Variants in TMCC1 observed in about 807,000 individuals in gnomAD.
TMCC1 encodes the protein transmembrane and coiled-coil domains protein 1.
A neutral mutation model predicts 52.4 loss-of-function variants in TMCC1; 15 were observed. That is an observed-to-expected ratio of 0.29 (90% CI 0.19 to 0.44). TMCC1 has a LOEUF of 0.44. Among genes scored for constraint, TMCC1 ranks in the 20% least tolerant of loss-of-function variants. The probability of loss-of-function intolerance (pLI) is 1.00; values close to 1 mark genes in which losing one functional copy is unlikely to be tolerated. For missense variants in TMCC1, 503 were observed against 806.0 expected (o/e 0.62, Z 4.55); for synonymous variants, 279 against 301.9 (o/e 0.92, Z 0.79).
intron 5 of TMCC1, among the ~76,000 whole-genome samples, chr3:129,659,512 A>C (rs1413479859): frequency 6.6e-6 from 1 of 152,210 alleles, no homozygotes; most frequent in Non-Finnish European, 1.5e-5. Context: ...TGGTAATTTA[A>C]GAACTATGTA....
At chr3:129,888,668 T>C (rs1050754247) in intron 1 of TMCC1, among the ~76,000 whole-genome samples, 3 of 152,194 alleles carry the variant, frequency 2.0e-5, no homozygotes, top group Admixed American at 6.5e-5. Context: ...GAAATTTAAG[T>C]AGATACACCA....
At chr3:129,797,647 G>C (rs1175262322) in intron 4 of TMCC1, among the ~76,000 whole-genome samples, 2 of 151,478 alleles carry the variant, frequency 1.3e-5, no homozygotes, top group South Asian at 4.2e-4. Flanking sequence ...CAGGAGGCTG[G>C]AGTGGGAGGA....
chr3:129,685,032 G>C (rs1576441584), intron 4 of TMCC1, among the ~76,000 whole-genome samples: 1 of 152,100 alleles, frequency 6.6e-6, no homozygotes, highest in East Asian at 1.9e-4. Context: ...AATGACACAG[G>C]TATGACAGCA....
chr3:129,670,338 C>G lies in TMCC1; in HGVS notation c.1503G>C (p.Glu501Asp). 1.2e-6 allele frequency: 2 copies of G among 1,613,024 alleles called. No homozygotes were observed. The highest frequency in any genetic ancestry group is 1.7e-6 in the Non-Finnish European group (2 of 1,179,354). The change falls in exon 5 of 7, where the codon GAG becomes GAC. Residue 501 changes from glutamate (E) to aspartate (D), a missense_variant. Around this residue, in one of 7 missense-constraint regions of TMCC1, gnomAD observed 121 missense variants for 193.6 expected, o/e 0.62. Transcript: ENST00000393238. Reference sequence around the variant, plus strand: ...AATTCCATGTGACTTACCTATATCGCTCCTCCTGTAAGGTCTGCATTATTA... The same window carrying G: ...AATTCCATGTGACTTACCTATATCGGTCCTCCTGTAAGGTCTGCATTATTA... ...YSLIMQTLQE[E>D]RYRCERLEEQ...
chr3:129,663,827 T>C (rs1464663098), intron 5 of TMCC1, among the ~76,000 whole-genome samples: 2 of 152,202 alleles, frequency 1.3e-5, no homozygotes, highest in Non-Finnish European at 2.9e-5. Context: ...GGAGCATTTG[T>C]TGAGCTCCTA....
chr3:129,851,754 C>T (rs146849612), intron 2 of TMCC1, among the ~76,000 whole-genome samples: 40 of 152,260 alleles, frequency 2.6e-4, no homozygotes, highest in African/African-American at 8.7e-4. Flanking sequence ...CAAAAGAGTT[C>T]AAAGCAAGGC....
chr3:129,761,806 C>T (rs888207460), intron 4 of TMCC1, among the ~76,000 whole-genome samples: 8 of 151,960 alleles, frequency 5.3e-5, no homozygotes, highest in South Asian at 4.2e-4. Context: ...GCCTCGCCAA[C>T]GTGGTGAAAC....
At chr3:129,666,028 A>G (rs2087422074) in intron 5 of TMCC1, among the ~76,000 whole-genome samples, 1 of 152,184 alleles carries the variant, frequency 6.6e-6, no homozygotes, top group African/African-American at 2.4e-5. Context: ...AAAATAAACT[A>G]AAGCGTAGAA....
chr3:129,750,126 T>C (rs2052359738), intron 4 of TMCC1, among the ~76,000 whole-genome samples: 1 of 152,124 alleles, frequency 6.6e-6, no homozygotes, highest in South Asian at 2.1e-4. Context: ...CATAAAGGAG[T>C]TGTTTCTCTT....
At chr3:129,655,853 G>T (rs2086634593) in intron 5 of TMCC1, among the ~76,000 whole-genome samples, 1 of 152,228 alleles carries the variant, frequency 6.6e-6, no homozygotes, top group African/African-American at 2.4e-5. Context: ...AAAGTGCTGG[G>T]ATTACAGGCG....
In TMCC1 at chr3:129,883,489, C is replaced by T. The variant is rs575664751; in HGVS notation, c.-434-2930G>A. ...ATTTGCCAGGAATGGTGACAGGCAC[C>T]TGTGGTCCCAGCTATTCAGGAGGCT... On this transcript the variant is annotated intron_variant, in intron 1 of 6. Transcript: ENST00000393238. 1.2e-3 allele frequency among the ~76,000 whole-genome samples: 186 copies of T among 152,256 alleles called. 1 individual carries two copies. Among genetic ancestry groups the T allele is most frequent in the Non-Finnish European group, 9.3e-4 (63 of 68,024 alleles).
At chr3:129,846,094 C>CA (rs879751688) in intron 2 of TMCC1, among the ~76,000 whole-genome samples, 59 of 143,450 alleles carry the variant, frequency 4.1e-4, no homozygotes, top group South Asian at 2.9e-3. Context: ...TATGTGGGGG[C>CA]AAAAAAAAAA....
chr3:129,817,854 C>A (rs1435542530), intron 4 of TMCC1, among the ~76,000 whole-genome samples: 2 of 151,996 alleles, frequency 1.3e-5, no homozygotes, highest in African/African-American at 4.8e-5. Context: ...GGTCTGTCAC[C>A]CAGGCTAGAG....
chr3:129,764,781 ATATATATATTTTTTTTTTTTTTTTTTT>A (rs1225569274), intron 4 of TMCC1, among the ~76,000 whole-genome samples: 1 of 76,112 alleles, frequency 1.3e-5, no homozygotes, highest in African/African-American at 6.8e-5. Context: ...ATATATATAT[ATATATATATTTTTTTTTTTTTTTTTTT>A]TTTTTTTTTT....
chr3:129,870,728 G>A (rs1415371950), intron 2 of TMCC1, among the ~76,000 whole-genome samples: 1 of 18,276 alleles, frequency 5.5e-5, no homozygotes, highest in Admixed American at 3.4e-4. Context: ...CGGGGGGGGG[G>A]GGGGGGGGGC....
At position 129,872,183 on chromosome 3, in the gene TMCC1, C is replaced by T. The variant is rs138984708; in HGVS notation, c.-184+8126G>A. ...CCATTTCTCCCTTCTTCCTCATTAA[C>T]CAGAATTCACATTTTGTTCAAGATA... On this transcript the variant is annotated intron_variant, in intron 2 of 6. Coordinates refer to ENST00000393238, the MANE Select transcript of TMCC1 (RefSeq NM_001017395.5). Among the ~76,000 whole-genome samples the T allele has an allele frequency of 6.6e-4, 101 of 152,312 alleles. 3 individuals are homozygous for T. The East Asian group carries it at 0.014, about 22-fold the overall frequency.
intron 4 of TMCC1, among the ~76,000 whole-genome samples, chr3:129,771,063 G>A (rs1277896599): frequency 6.6e-6 from 1 of 152,184 alleles, no homozygotes; most frequent in Non-Finnish European, 1.5e-5. Flanking sequence ...ATCCCTGACA[G>A]CTATCCCTCT....
chr3:129,711,405 C>T (rs1349913626), intron 4 of TMCC1, among the ~76,000 whole-genome samples: 1 of 152,148 alleles, frequency 6.6e-6, no homozygotes, highest in African/African-American at 2.4e-5. Context: ...TTACAACTTA[C>T]TAATTAGTAC....
intron 2 of TMCC1, among the ~76,000 whole-genome samples, chr3:129,838,219 G>T (rs1005589865): frequency 1.3e-5 from 2 of 151,844 alleles, no homozygotes; most frequent in Admixed American, 1.3e-4. Flanking sequence ...AGCCTGGGCA[G>T]CATAGGGAGA....
Sources: allele counts gnomAD v4.1 joint callset (sites outside exome capture counted in the v4.1 genomes callset), GRCh38; gene constraint gnomAD v4.1.1; regional missense constraint gnomAD v4.1.1; transcripts MANE v1.5; gene names NCBI Gene and HGNC (gene_info 2026-07-23, HGNC 2026-07-21).